Variants in PABIR3 observed in about 807,000 individuals in gnomAD.
PABIR3 encodes PABIR family member 3, also known as PABIR family member 1.
A neutral mutation model predicts 23.1 loss-of-function variants in PABIR3; 20 were observed. The ratio of observed to expected loss-of-function variants is 0.86; its 90% CI spans 0.61 to 1.26. The LOEUF is 1.26. PABIR3 is among the 50% of genes most tolerant of loss of function. The pLI, the probability that PABIR3 is intolerant of heterozygous loss-of-function variation, is 0.00. For missense variants in PABIR3, 189 were observed against 195.4 expected (o/e 0.97, Z 0.20); for synonymous variants, 69 against 68.5 (o/e 1.01, Z -0.04).
At chrX:134,852,030 T>C (rs1445473482) in intron 9 of PABIR3, among the ~76,000 whole-genome samples, 1 of 112,701 alleles carries the variant, frequency 8.9e-6, no homozygotes, top group Non-Finnish European at 1.9e-5. Flanking sequence ...TCTCTAAAGA[T>C]ACAATTATTT....
At chrX:134,833,083 T>TGG (rs773711793) in intron 4 of PABIR3, 4 of 110,767 alleles carry the variant, frequency 3.6e-5, no homozygotes, top group Admixed American at 2.9e-4. Context: ...GGTATTGCAG[T>TGG]GGGGGGGTGC....
the PABIR3 span, among the ~76,000 whole-genome samples, chrX:134,861,402 G>A: frequency 9.0e-6 from 1 of 111,255 alleles, no homozygotes. Flanking sequence ...CTAATGTGTA[G>A]TTACACTAAG....
chrX:134,840,677 C>CA (rs1209915772), intron 4 of PABIR3, among the ~76,000 whole-genome samples: 3 of 110,969 alleles, frequency 2.7e-5, no homozygotes, highest in Admixed American at 9.7e-5. Flanking sequence ...GGGGTCCTGA[C>CA]AATGACGTGA....
chrX:134,798,844 C>T (rs775880657), intron 1 of PABIR3, among the ~76,000 whole-genome samples: 5 of 112,138 alleles, frequency 4.5e-5, no homozygotes, highest in Non-Finnish European at 9.4e-5. Context: ...ATCCCATTTA[C>T]GCATTACTTG....
chrX:134,862,208 T>C, the PABIR3 span, among the ~76,000 whole-genome samples: 1 of 93,827 alleles, frequency 1.1e-5, no homozygotes, highest in Non-Finnish European at 2.1e-5. Context: ...TGTAGTGCAA[T>C]GGCATGATCT....
At chrX:134,851,744 A>G (rs987330797) in intron 9 of PABIR3, among the ~76,000 whole-genome samples, 1 of 111,881 alleles carries the variant, frequency 8.9e-6, no homozygotes, top group Admixed American at 9.6e-5. Flanking sequence ...CTGTAGTGAC[A>G]TAAATGTAAT....
intron 8 of PABIR3, among the ~76,000 whole-genome samples, chrX:134,848,856 A>T (rs2082525139): frequency 9.0e-6 from 1 of 111,169 alleles, no homozygotes; most frequent in Admixed American, 9.6e-5. Flanking sequence ...ATACAAAATT[A>T]GCCGAGTGTG....
chrX:134,847,594 TCTAA>T (rs1267393441), intron 7 of PABIR3, 119 bp downstream of exon 7: 8 of 511,938 alleles, frequency 1.6e-5, no homozygotes, highest in Admixed American at 3.8e-5. Context: ...TACATCTGAT[TCTAA>T]CTAACATTTT....
intron 8 of PABIR3, among the ~76,000 whole-genome samples, 192 bp downstream of exon 8, chrX:134,848,163 G>C (rs2082497418): frequency 9.0e-6 from 1 of 111,083 alleles, no homozygotes; most frequent in South Asian, 3.8e-4. Flanking sequence ...GGCCGAGGCG[G>C]GTGGATCACC....
chrX:134,807,775 T>A (rs2080325543), intron 2 of PABIR3, 67 bp downstream of exon 2: 1 of 1,027,989 alleles, frequency 9.7e-7, no homozygotes, highest in Admixed American at 2.8e-5. Flanking sequence ...AGTGATTTCC[T>A]ATAGAATTCC....
intron 4 of PABIR3, among the ~76,000 whole-genome samples, chrX:134,844,432 A>G (rs2082367515): frequency 9.0e-6 from 1 of 110,540 alleles, no homozygotes; most frequent in African/African-American, 3.3e-5. Flanking sequence ...TTTGGGTGGA[A>G]TTGTCATCTA....
At chrX:134,860,083 C>G in the PABIR3 span, among the ~76,000 whole-genome samples, 1 of 109,592 alleles carries the variant, frequency 9.1e-6, no homozygotes, top group African/African-American at 3.3e-5. Context: ...GAAGGAAGTT[C>G]AGCTAAAACT....
chrX:134,815,438 A>G (rs1212245022), intron 3 of PABIR3, among the ~76,000 whole-genome samples: 1 of 111,987 alleles, frequency 8.9e-6, no homozygotes, highest in Admixed American at 9.5e-5. Context: ...GATTTTATTG[A>G]GGTGAAATTC....
At chrX:134,798,474 G>A (rs1235027676) in intron 1 of PABIR3, among the ~76,000 whole-genome samples, 1 of 111,797 alleles carries the variant, frequency 8.9e-6, no homozygotes, top group Non-Finnish European at 1.9e-5. Flanking sequence ...TGTGTTCATT[G>A]TTCTTCCCCA....
chrX:134,847,103 T>G (rs746917277), intron 6 of PABIR3, among the ~76,000 whole-genome samples: 1 of 112,023 alleles, frequency 8.9e-6, no homozygotes, highest in African/African-American at 3.2e-5. Context: ...ATTTAGGATT[T>G]GTGTTTATAG....
chrX:134,819,019 C>A (rs1346420439), intron 3 of PABIR3, among the ~76,000 whole-genome samples: 1 of 102,404 alleles, frequency 9.8e-6, no homozygotes, highest in East Asian at 3.0e-4. Flanking sequence ...TCACTGCAAC[C>A]TTCGCCTCCT....
chrX:134,823,302 G>A (rs2081368961), intron 3 of PABIR3, among the ~76,000 whole-genome samples: 2 of 111,771 alleles, frequency 1.8e-5, no homozygotes, highest in African/African-American at 6.5e-5. Flanking sequence ...TTATAATACA[G>A]CCAAAGTGTC....
chrX:134,831,377 A>G (rs2148266935), intron 4 of PABIR3, among the ~76,000 whole-genome samples: 1 of 111,950 alleles, frequency 8.9e-6, no homozygotes, highest in Non-Finnish European at 1.9e-5. Context: ...CATAAGTTGC[A>G]TATTTCTTTA....
Position 134,807,334 on chromosome X carries a change from AC to A in PABIR3, c.-66del. The A allele has an allele frequency of 1.0e-6, 1 of 956,189 alleles. No homozygotes were observed. The highest frequency in any genetic ancestry group is 1.3e-6 in the Non-Finnish European group (1 of 766,337). 78.8% of individuals were successfully genotyped at this position (956,189 alleles called of 1,213,427 possible). A position where few individuals can be genotyped will look rare whatever the true frequency, so the allele number is the denominator to read the frequency against. Reference sequence around the variant, plus strand: ...ATTAAATTCCCCAGTTACATTATAGACTTGGAGGTGGGGGATCTTCTCATCG... The same window carrying A: ...ATTAAATTCCCCAGTTACATTATAGATTGGAGGTGGGGGATCTTCTCATCG... On this transcript the variant is annotated 5_prime_UTR_variant, in exon 1 of 11. Transcript: ENST00000645433.
Sources: gnomAD v4.1 joint callset for allele counts (sites outside exome capture counted in the v4.1 genomes callset) on GRCh38, gnomAD v4.1.1 for gene constraint, MANE v1.5 for transcripts, NCBI Gene and HGNC (gene_info 2026-07-23, HGNC 2026-07-21) for gene names.